Variants in ODAD2 observed in about 807,000 individuals in gnomAD.
ODAD2 encodes outer dynein arm docking complex subunit 2.
ODAD2 carries 89 observed loss-of-function variants against 106.8 expected under a neutral mutation model. The observed-to-expected ratio is 0.83, with a 90% CI of 0.70 to 0.99. The LOEUF (loss-of-function observed/expected upper bound fraction) is 0.99. Among genes scored for constraint, ODAD2 ranks in the 50% least tolerant of loss-of-function variants. ODAD2 has a pLI of 0.00. For missense variants in ODAD2, 1,168 were observed against 1,238.5 expected (o/e 0.94, Z 0.85); for synonymous variants, 404 against 436.2 (o/e 0.93, Z 0.92).
At chr10:27,918,242 C>T (rs1844530985) in intron 16 of ODAD2, among the ~76,000 whole-genome samples, 1 of 151,880 alleles carries the variant, frequency 6.6e-6, no homozygotes, top group Admixed American at 6.6e-5. Flanking sequence ...TACAAATCAA[C>T]ATATCTCATG....
chr10:27,968,685 CT>C (rs1848634922), intron 9 of ODAD2, among the ~76,000 whole-genome samples: 1 of 147,098 alleles, frequency 6.8e-6, no homozygotes, highest in Admixed American at 6.9e-5. Flanking sequence ...AAATACATTT[CT>C]TTTCCCACAG....
intron 10 of ODAD2, 114 bp from the exon 11 acceptor site, chr10:27,945,076 T>A: frequency 8.0e-7 from 1 of 1,244,408 alleles, no homozygotes; most frequent in East Asian, 2.3e-5. Flanking sequence ...GGCTAGAATT[T>A]GTTAAATGAA....
At chr10:27,825,763 G>A (rs1345628242) in intron 19 of ODAD2, among the ~76,000 whole-genome samples, 3 of 152,156 alleles carry the variant, frequency 2.0e-5, no homozygotes, top group Admixed American at 2.0e-4. Context: ...GCAATATTTG[G>A]AATCCTTTAC....
At chr10:27,978,690 G>A (rs1849344652) in intron 7 of ODAD2, among the ~76,000 whole-genome samples, 1 of 152,066 alleles carries the variant, frequency 6.6e-6, no homozygotes, top group Non-Finnish European at 1.5e-5. Flanking sequence ...TACTATGGGG[G>A]CTGAGGCAGA....
chr10:27,922,675 G>T (rs528822545), intron 16 of ODAD2, among the ~76,000 whole-genome samples: 3 of 152,126 alleles, frequency 2.0e-5, no homozygotes, highest in Non-Finnish European at 4.4e-5. Context: ...GAAGGCCGAG[G>T]TGGGTGGATC....
Position 27,935,047 on chromosome 10 carries a change from C to T in ODAD2, c.2458G>A (p.Ala820Thr). Residue 820 changes from alanine to threonine, a missense_variant, in exon 16 of 20, where the codon GCA becomes ACA. Physicochemically the swap from Ala to Thr is moderately conservative, Grantham distance 58 (BLOSUM62 0). Transcript: ENST00000305242. ...GGTTCTACTGCACAAGCACCAACTGCTTTTGTAACATTCACAAGAAGAGCT... is the reference window on the plus strand; with the variant it reads ...GGTTCTACTGCACAAGCACCAACTGTTTTTGTAACATTCACAAGAAGAGCT... ...NQALLVNVTKAVGACAVEPES... is the reference protein window; with the variant it reads ...NQALLVNVTKTVGACAVEPES... The T allele has an allele frequency of 6.2e-7, 1 of 1,614,010 alleles. No individual in the cohort carries two copies. The highest frequency in any genetic ancestry group is 8.5e-7 in the Non-Finnish European group (1 of 1,179,878).
chr10:27,999,628 C>T (rs914012343), upstream of ODAD2, among the ~76,000 whole-genome samples: 3 of 151,432 alleles, frequency 2.0e-5, no homozygotes, highest in African/African-American at 7.3e-5. Context: ...CCAGCAAGAG[C>T]CCCAACTGGA....
intron 17 of ODAD2, among the ~76,000 whole-genome samples, chr10:27,894,190 T>C (rs1842725885): frequency 6.6e-6 from 1 of 152,090 alleles, no homozygotes; most frequent in Non-Finnish European, 1.5e-5. Context: ...TAAATAATCT[T>C]ATTAGAAAAC....
intron 17 of ODAD2, among the ~76,000 whole-genome samples, chr10:27,875,091 T>A (rs1841224481): frequency 6.6e-6 from 1 of 152,338 alleles, no homozygotes; most frequent in East Asian, 1.9e-4. Flanking sequence ...TCTTCTCGCT[T>A]CATTTCATTC....
intron 7 of ODAD2, among the ~76,000 whole-genome samples, chr10:27,975,653 T>C (rs151276176): frequency 2.0e-5 from 3 of 152,118 alleles, no homozygotes; most frequent in Non-Finnish European, 4.4e-5. Context: ...ATTTTTCCCA[T>C]AAAGAATATT....
intron 17 of ODAD2, among the ~76,000 whole-genome samples, chr10:27,901,117 T>G (rs191967802): frequency 2.3e-4 from 35 of 152,330 alleles, no homozygotes; most frequent in Admixed American, 1.0e-3. Context: ...TGGATCTCTC[T>G]GCAAAAACTC....
At chr10:27,977,400 T>TAAA (rs35313855) in intron 7 of ODAD2, among the ~76,000 whole-genome samples, 100 of 135,856 alleles carry the variant, frequency 7.4e-4, no homozygotes, top group African/African-American at 1.4e-3. Flanking sequence ...CCATTTCTGC[T>TAAA]AAAAAAAAAA....
rs1335997098 is a variant in ODAD2 at position 27,998,864 on chromosome 10, C to A, written c.-39+130G>T. Reference sequence around the variant, plus strand: ...GTTGCTAGGACGCGGGTCAACACTGCGCGCCCTGCGGCCGCGCACGCCGGC... The same window carrying A: ...GTTGCTAGGACGCGGGTCAACACTGAGCGCCCTGCGGCCGCGCACGCCGGC... On this transcript the variant is annotated intron_variant, in intron 1 of 19. Transcript: ENST00000305242. The A allele has an allele frequency of 3.3e-5, 5 of 152,648 alleles. No homozygotes were observed. The South Asian group carries it at 8.1e-4, about 25-fold the overall frequency. 9.5% of individuals were successfully genotyped at this position (152,648 alleles called of 1,614,324 possible). A position where few individuals can be genotyped will look rare whatever the true frequency, so the allele number is the denominator to read the frequency against.
rs574634455 is a variant in ODAD2 at position 27,863,180 on chromosome 10, A to G, written c.2611-558T>C. Among the ~76,000 whole-genome samples the G allele has an allele frequency of 2.0e-5, 3 of 152,320 alleles. No individual in the cohort carries two copies. The East Asian group carries it at 5.8e-4, about 29-fold the overall frequency. On this transcript the variant is annotated intron_variant, in intron 17 of 19. Coordinates refer to ENST00000305242, the MANE Select transcript of ODAD2 (RefSeq NM_018076.5). ...GGCCAACAGCATTATAGCTCATGCA[A>G]TGGAGCTTATTTAACACAGATATTT...
intron 12 of ODAD2, among the ~76,000 whole-genome samples, chr10:27,941,815 G>T (rs1846470976): frequency 6.6e-6 from 1 of 151,998 alleles, no homozygotes; most frequent in African/African-American, 2.4e-5. Flanking sequence ...CCATTCTTCT[G>T]TCCCTGAAGG....
chr10:27,869,184 G>A (rs1246177819), intron 17 of ODAD2, among the ~76,000 whole-genome samples: 2 of 152,012 alleles, frequency 1.3e-5, no homozygotes, highest in South Asian at 4.1e-4. Flanking sequence ...AACAAATAAA[G>A]ATAATGGATA....
chr10:27,943,684 G>T (rs935597982), intron 12 of ODAD2, among the ~76,000 whole-genome samples: 1 of 151,120 alleles, frequency 6.6e-6, no homozygotes, highest in Admixed American at 6.6e-5. Context: ...CTACTTGGGA[G>T]GCTGAGACAG....
chr10:27,991,116 C>T (rs1850210401), intron 2 of ODAD2, among the ~76,000 whole-genome samples: 1 of 152,138 alleles, frequency 6.6e-6, no homozygotes, highest in Non-Finnish European at 1.5e-5. Flanking sequence ...TCTTAGTTTA[C>T]AGCAAATTTA....
intron 1 of ODAD2, among the ~76,000 whole-genome samples, chr10:27,996,099 G>A (rs1850543230): frequency 6.6e-6 from 1 of 152,198 alleles, no homozygotes; most frequent in African/African-American, 2.4e-5. Flanking sequence ...AGCCAAGTTA[G>A]AAAGCACGTT....
Sources: allele counts gnomAD v4.1 joint callset (sites outside exome capture counted in the v4.1 genomes callset), GRCh38; gene constraint gnomAD v4.1.1; transcripts MANE v1.5; gene names NCBI Gene and HGNC (gene_info 2026-07-23, HGNC 2026-07-21).